Variants in DIABLO observed in about 807,000 individuals in gnomAD.
The protein encoded by DIABLO is diablo IAP-binding mitochondrial protein, also known as diablo homolog, mitochondrial.
DIABLO carries 32 observed loss-of-function variants against 31.7 expected under a neutral mutation model. That is an observed-to-expected ratio of 1.01 (90% CI 0.76 to 1.35). The LOEUF is 1.35. DIABLO is among the 40% of genes most tolerant of loss of function. The pLI, the probability that DIABLO is intolerant of heterozygous loss-of-function variation, is 0.00. For missense variants in DIABLO, 316 were observed against 286.4 expected (o/e 1.10, Z -0.75); for synonymous variants, 132 against 103.2 (o/e 1.28, Z -1.69).
At chr12:122,225,274 G>A (rs1021340510) in intron 1 of DIABLO, 2 of 464,890 alleles carry the variant, frequency 4.3e-6, no homozygotes, top group Non-Finnish European at 5.7e-6. Context: ...TGCAATCCCA[G>A]CTACTCGGGA....
chr12:122,213,851 G>A (rs1024137462), intron 5 of DIABLO, among the ~76,000 whole-genome samples: 3 of 152,102 alleles, frequency 2.0e-5, no homozygotes, highest in African/African-American at 2.4e-5. Context: ...TTGGGAGGCC[G>A]AGGCAGGCAG....
chr12:122,225,226 A>C (rs1389545071), intron 1 of DIABLO: 1 of 219,956 alleles, frequency 4.5e-6, no homozygotes, highest in East Asian at 1.7e-4. Context: ...CAAAACAAAA[A>C]GAAAAAAAAA....
chr12:122,221,910 T>G (rs990395098), intron 2 of DIABLO: 5 of 152,208 alleles, frequency 3.3e-5, no homozygotes, highest in Non-Finnish European at 5.9e-5. Context: ...TGAGGGGTTT[T>G]AGGGCTATGG....
In DIABLO at chr12:122,224,597, C is replaced by A. The variant is rs758602603; in HGVS notation, c.98G>T (p.Arg33Leu). 3.0e-5 allele frequency: 49 copies of A among 1,613,956 alleles called. No homozygotes were observed. The highest frequency in any genetic ancestry group is 3.7e-5 in the Non-Finnish European group (44 of 1,180,038). The change falls in exon 2 of 6, where the codon CGG becomes CTG. Residue 33 changes from arginine to leucine, a missense_variant. Physicochemically the swap from Arg to Leu is moderately radical, Grantham distance 102. Transcript: ENST00000464942. The stretch of plus-strand genomic sequence containing the variant: ...TGGTCTTATCAATTCTGAGAAACAC[C>A]GCTTCTTAAAGTTAGCCACAACAGG... Reference protein sequence around the residue: ...CVPVVANFKKRCFSELIRPWH... With the variant: ...CVPVVANFKKLCFSELIRPWH...
At chr12:122,223,072 TC>T (rs1285567406) in intron 2 of DIABLO, among the ~76,000 whole-genome samples, 1 of 151,996 alleles carries the variant, frequency 6.6e-6, no homozygotes, top group African/African-American at 2.4e-5. Flanking sequence ...CAACTAGTCT[TC>T]CTAGTTCCAC....
At chr12:122,226,157 G>C (rs757152409), upstream of DIABLO, 2 of 1,254,806 alleles carry the variant, frequency 1.6e-6, no homozygotes, top group South Asian at 2.6e-5. Context: ...GGGCAGGCAG[G>C]GGGAAAGGGG....
At chr12:122,226,625 G>T (rs1438845685), upstream of DIABLO, 1 of 675,252 alleles carries the variant, frequency 1.5e-6, no homozygotes, top group Non-Finnish European at 2.7e-6. Context: ...GTCCCAGAGG[G>T]GCGGACGGGA....
chr12:122,215,634 A>C (rs1566024171), intron 5 of DIABLO, among the ~76,000 whole-genome samples: 1 of 152,028 alleles, frequency 6.6e-6, no homozygotes, highest in African/African-American at 2.4e-5. Flanking sequence ...GAGCCTACCT[A>C]CCTAGGTTGG....
chr12:122,215,164 T>C (rs937573186), intron 5 of DIABLO, among the ~76,000 whole-genome samples: 2 of 152,116 alleles, frequency 1.3e-5, no homozygotes, highest in Non-Finnish European at 2.9e-5. Context: ...TGGTGGTGCA[T>C]GCTTGTAATC....
At chr12:122,218,933 TAAA>T (rs1193774146) in intron 2 of DIABLO, among the ~76,000 whole-genome samples, 6 of 91,434 alleles carry the variant, frequency 6.6e-5, no homozygotes, top group Admixed American at 2.5e-4. Flanking sequence ...AGAGCAAGAC[TAAA>T]AAAAAAAAAA....
chr12:122,214,125 C>A (rs577706009), intron 5 of DIABLO, among the ~76,000 whole-genome samples: 13 of 152,114 alleles, frequency 8.5e-5, no homozygotes, highest in African/African-American at 3.1e-4. Context: ...ACAAAAAAAA[C>A]CTTCTAAAAG....
At chr12:122,222,457 G>A (rs1023744277) in intron 2 of DIABLO, 4 of 152,048 alleles carry the variant, frequency 2.6e-5, no homozygotes, top group African/African-American at 9.7e-5. Context: ...AAAAAAATTA[G>A]CAGGGTGTGG....
chr12:122,225,642 CCCT>C lies in DIABLO; in HGVS notation c.50+320_50+322del, dbSNP rs371890429. On this transcript the variant is annotated intron_variant, in intron 1 of 5. Coordinates refer to ENST00000464942, the MANE Select transcript of DIABLO (RefSeq NM_001371333.1). ...TTCCCGGACTCCCCCCATGCCGTGT[CCCT>C]CCTCCTCTCCACGTCTCCTCAGGGA... The C allele has an allele frequency of 9.3e-4, 1,220 of 1,316,818 alleles. 13 individuals carry two copies. In the African/African-American group the frequency reaches 0.014, roughly 15 times the overall value. 81.6% of individuals were successfully genotyped at this position (1,316,818 alleles called of 1,614,324 possible). A position where few individuals can be genotyped will look rare whatever the true frequency, so the allele number is the denominator to read the frequency against.
At chr12:122,210,535 ATTTAT>A (rs1255794570) in intron 5 of DIABLO, among the ~76,000 whole-genome samples, 1 of 151,138 alleles carries the variant, frequency 6.6e-6, no homozygotes, top group Non-Finnish European at 1.5e-5. Flanking sequence ...ACCATGCCTA[ATTTAT>A]TTATTTATTT....
intron 1 of DIABLO, chr12:122,225,388 A>G: frequency 1.0e-6 from 1 of 992,764 alleles, no homozygotes; most frequent in South Asian, 4.4e-5. Flanking sequence ...TCTTGTCTCA[A>G]AAAAATTAAA....
intron 2 of DIABLO, among the ~76,000 whole-genome samples, chr12:122,223,801 T>G (rs956348037): frequency 1.3e-5 from 2 of 152,114 alleles, no homozygotes; most frequent in Admixed American, 1.3e-4. Context: ...CTTACCTCAT[T>G]TGTTTTGTTT....
At chr12:122,214,745 T>TG (rs1039512275) in intron 5 of DIABLO, among the ~76,000 whole-genome samples, 1 of 152,124 alleles carries the variant, frequency 6.6e-6, no homozygotes, top group African/African-American at 2.4e-5. Context: ...GACAGAGTCT[T>TG]GCTCTGTCAC....
chr12:122,212,484 G>A (rs1262532566), intron 5 of DIABLO, among the ~76,000 whole-genome samples: 3 of 152,034 alleles, frequency 2.0e-5, no homozygotes, highest in South Asian at 4.2e-4. Context: ...TGGATTTATC[G>A]TCACCTCTAG....
At chr12:122,209,801 T>G in intron 5 of DIABLO, 1 of 703,600 alleles carries the variant, frequency 1.4e-6, no homozygotes, top group Non-Finnish European at 2.6e-6. Flanking sequence ...CAGGACAATG[T>G]TGACAGGTAG....
Sources: allele counts gnomAD v4.1 joint callset (sites outside exome capture counted in the v4.1 genomes callset), GRCh38; gene constraint gnomAD v4.1.1; transcripts MANE v1.5; gene names NCBI Gene and HGNC (gene_info 2026-07-23, HGNC 2026-07-21).